Variants in LRRIQ3 observed in about 807,000 individuals in gnomAD.
The protein encoded by LRRIQ3 is leucine rich repeats and IQ motif containing 3, also known as leucine-rich repeat and IQ domain-containing protein 3.
Under a neutral mutation model 59.3 loss-of-function variants are expected in LRRIQ3, and 75 were observed. That is an observed-to-expected ratio of 1.26 (90% CI 1.05 to 1.53). The LOEUF (loss-of-function observed/expected upper bound fraction) is 1.53, where lower values mean the gene tolerates loss of function less well. LRRIQ3 is among the 40% of genes most tolerant of loss of function. LRRIQ3 has a pLI of 0.00. For missense variants in LRRIQ3, 831 were observed against 710.0 expected (o/e 1.17, Z -1.94); for synonymous variants, 250 against 231.3 (o/e 1.08, Z -0.73).
At chr1:74,113,293 A>C (rs1646729223) in intron 4 of LRRIQ3, among the ~76,000 whole-genome samples, 1 of 152,078 alleles carries the variant, frequency 6.6e-6, no homozygotes, top group Non-Finnish European at 1.5e-5. Context: ...GGATACAATT[A>C]AGTCCACCAG....
intron 5 of LRRIQ3, among the ~76,000 whole-genome samples, chr1:74,095,992 T>A (rs933731291): frequency 6.6e-6 from 1 of 152,120 alleles, no homozygotes; most frequent in East Asian, 1.9e-4. Flanking sequence ...AAATTCAAAG[T>A]GTAAAAAGTT....
At chr1:74,059,591 A>C (rs983861369) in intron 6 of LRRIQ3, among the ~76,000 whole-genome samples, 1 of 152,086 alleles carries the variant, frequency 6.6e-6, no homozygotes, top group Non-Finnish European at 1.5e-5. Flanking sequence ...ACATTGTCTT[A>C]ATTACTGTAG....
At chr1:74,140,467 C>T (rs1482249148) in intron 4 of LRRIQ3, among the ~76,000 whole-genome samples, 1 of 151,820 alleles carries the variant, frequency 6.6e-6, no homozygotes, top group Non-Finnish European at 1.5e-5. Context: ...CATCTACAAT[C>T]ACAGTGAGAG....
intron 7 of LRRIQ3, among the ~76,000 whole-genome samples, chr1:74,038,041 T>C (rs907954505): frequency 6.6e-6 from 1 of 152,202 alleles, no homozygotes; most frequent in Non-Finnish European, 1.5e-5. Flanking sequence ...CTGAGACTGA[T>C]AGCTGCCTAA....
intron 4 of LRRIQ3, among the ~76,000 whole-genome samples, chr1:74,149,528 G>A (rs1462414481): frequency 6.6e-6 from 1 of 151,880 alleles, no homozygotes; most frequent in Non-Finnish European, 1.5e-5. Context: ...TCTTTACGTT[G>A]GTAATTACTC....
intron 7 of LRRIQ3, among the ~76,000 whole-genome samples, chr1:74,035,886 C>T (rs564718730): frequency 1.3e-5 from 2 of 152,108 alleles, no homozygotes; most frequent in African/African-American, 4.8e-5. Flanking sequence ...CTTCTCCTTG[C>T]CTCACCTCTC....
At chr1:74,044,325 G>A (rs1405758480) in intron 6 of LRRIQ3, among the ~76,000 whole-genome samples, 2 of 152,032 alleles carry the variant, frequency 1.3e-5, no homozygotes, top group Non-Finnish European at 2.9e-5. Flanking sequence ...ACATGGGGTA[G>A]ACCCCTCATG....
At chr1:74,044,442 C>T (rs531442610) in intron 6 of LRRIQ3, among the ~76,000 whole-genome samples, 1 of 152,046 alleles carries the variant, frequency 6.6e-6, no homozygotes, top group South Asian at 2.1e-4. Context: ...ATGTGATATG[C>T]CAGCTCCCAC....
chr1:74,066,138 A>G (rs1378801945), intron 6 of LRRIQ3, among the ~76,000 whole-genome samples: 1 of 151,368 alleles, frequency 6.6e-6, no homozygotes, highest in African/African-American at 2.4e-5. Context: ...GTGAGCCAAG[A>G]TCATGCCATT....
intron 3 of LRRIQ3, among the ~76,000 whole-genome samples, chr1:74,157,696 A>C (rs1384785277): frequency 1.3e-5 from 2 of 151,928 alleles, no homozygotes; most frequent in Non-Finnish European, 2.9e-5. Flanking sequence ...TTTTCCTCTA[A>C]ATCTTGTTTA....
In LRRIQ3 at chr1:74,109,529, T is replaced by G. The variant is rs1387677855; in HGVS notation, c.732A>C (p.Lys244Asn). 1 of 1,534,138 alleles carries G rather than the reference T, an allele frequency of 6.5e-7. No individual in the cohort carries two copies. The highest frequency in any genetic ancestry group is 2.2e-5 in the Admixed American group (1 of 46,070). ...ATCCTCTAATAATTTTTTCCTGCTG[T>G]TTTTTTTTGTGGAAAAACACAGGGC... ...NLSPVFFHKK[K>N]QQEKIIRGYE... The change falls in exon 5 of 8, where the codon AAA (lysine) becomes AAC (asparagine). Residue 244 changes from lysine to asparagine, a missense_variant. Coordinates refer to ENST00000354431, the MANE Select transcript of LRRIQ3 (RefSeq NM_001105659.2).
intron 7 of LRRIQ3, among the ~76,000 whole-genome samples, chr1:74,034,552 A>G (rs906816608): frequency 2.6e-5 from 4 of 151,872 alleles, no homozygotes; most frequent in African/African-American, 9.7e-5. Flanking sequence ...TTGTATTTCA[A>G]TACATACTAG....
At chr1:74,134,799 C>T (rs1043164025) in intron 4 of LRRIQ3, among the ~76,000 whole-genome samples, 1 of 150,666 alleles carries the variant, frequency 6.6e-6, no homozygotes, top group Admixed American at 6.6e-5. Context: ...TAGAAAATAC[C>T]TGTTTAATAT....
At chr1:74,176,378 C>G (rs1272671507) in intron 3 of LRRIQ3, among the ~76,000 whole-genome samples, 1 of 151,946 alleles carries the variant, frequency 6.6e-6, no homozygotes, top group Non-Finnish European at 1.5e-5. Flanking sequence ...TTCTTGTTTT[C>G]CAGATTTTTT....
intron 1 of LRRIQ3, among the ~76,000 whole-genome samples, chr1:74,187,134 C>G (rs1453961881): frequency 1.3e-5 from 2 of 151,988 alleles, no homozygotes; most frequent in Non-Finnish European, 2.9e-5. Context: ...CCTTAAGGAA[C>G]TAAAGGTAGA....
intron 5 of LRRIQ3, chr1:74,083,857 C>A: frequency 4.3e-6 from 1 of 233,822 alleles, no homozygotes; most frequent in Non-Finnish European, 8.2e-6. Context: ...GGATGAACAG[C>A]TTAAAAGTTT....
Position 74,182,641 on chromosome 1 carries a change from T to C in LRRIQ3, c.470A>G (p.His157Arg), listed in dbSNP as rs143682100. Residue 157 changes from histidine (H) to arginine (R), a missense_variant, in exon 3 of 8, where the codon CAT (histidine) becomes CGT (arginine). Coordinates refer to ENST00000354431, the MANE Select transcript of LRRIQ3 (RefSeq NM_001105659.2). ...SIWPLKALDHHVISDEEIIQN... is the reference protein window; with the variant it reads ...SIWPLKALDHRVISDEEIIQN... ...AATTATTTCTTCATCAGAAATCACA[T>C]GATGATCCAGCGCTTTGAGAGGCCA... 8.8e-5 allele frequency: 142 copies of C among 1,611,118 alleles called. No homozygotes were observed. The African/African-American group carries it at 1.7e-3, about 20-fold the overall frequency.
intron 4 of LRRIQ3, among the ~76,000 whole-genome samples, chr1:74,141,568 C>T (rs1422828166): frequency 2.0e-5 from 3 of 151,712 alleles, no homozygotes; most frequent in Non-Finnish European, 4.4e-5. Flanking sequence ...TAGACATTAG[C>T]TTATTCAATA....
At chr1:74,073,321 G>T (rs891314749) in intron 6 of LRRIQ3, among the ~76,000 whole-genome samples, 2 of 152,054 alleles carry the variant, frequency 1.3e-5, no homozygotes, top group Admixed American at 1.3e-4. Flanking sequence ...AGACCAGCCT[G>T]GGCAACATGG....
Sources: gnomAD v4.1 joint callset for allele counts (sites outside exome capture counted in the v4.1 genomes callset) on GRCh38, gnomAD v4.1.1 for gene constraint, MANE v1.5 for transcripts, NCBI Gene and HGNC (gene_info 2026-07-23, HGNC 2026-07-21) for gene names.